Variants in FBXO11 observed in about 807,000 individuals in gnomAD.
FBXO11 encodes the protein F-box protein 11, also known as F-box only protein 11.
A neutral mutation model predicts 117.0 loss-of-function variants in FBXO11; 13 were observed. The ratio of observed to expected loss-of-function variants is 0.11; its 90% confidence interval spans 0.07 to 0.18. The LOEUF (loss-of-function observed/expected upper bound fraction) is 0.18, where lower values mean the gene tolerates loss of function less well. FBXO11 is among the 10% of genes least tolerant of loss of function. The pLI is 1.00. For synonymous variants in FBXO11, 490 were observed against 380.5 expected, an observed-to-expected ratio of 1.29 and a Z score of -3.35; for missense variants, 767 against 1,164.4, an observed-to-expected ratio of 0.66 and a Z score of 4.97.
rs377180246 is a variant in FBXO11 at position 47,832,545 on chromosome 2, A to C, written c.1260+27T>G. 3.7e-6 allele frequency: 6 copies of C among 1,607,506 alleles called. No individual in the cohort carries two copies. In the South Asian group the frequency reaches 4.4e-5, roughly 12 times the overall value. ...AGCTTTTAAACATTTTCTAAAAAGA[A>C]AAAAACCACACAAAATTAAAAAATA... On this transcript the variant is annotated intron_variant, in intron 10 of 22. Coordinates refer to ENST00000403359, the MANE Select transcript of FBXO11 (RefSeq NM_001190274.2).
At chr2:47,874,147 G>T (rs1268555875) in intron 1 of FBXO11, among the ~76,000 whole-genome samples, 1 of 152,282 alleles carries the variant, frequency 6.6e-6, no homozygotes, top group African/African-American at 2.4e-5. Flanking sequence ...CTGGGAGGCG[G>T]AGCTTGCTGT....
At chr2:47,869,437 G>T (rs182207779) in intron 1 of FBXO11, among the ~76,000 whole-genome samples, 24 of 152,226 alleles carry the variant, frequency 1.6e-4, no homozygotes, top group Admixed American at 1.5e-3. Flanking sequence ...ATGAAGGAAA[G>T]GAAAAGTTAT....
At chr2:47,808,881 G>A in intron 21 of FBXO11, 1 of 309,420 alleles carries the variant, frequency 3.2e-6, no homozygotes, top group Non-Finnish European at 5.9e-6. Flanking sequence ...TTGTTTTGTA[G>A]AGACAGGGTC....
intron 1 of FBXO11, among the ~76,000 whole-genome samples, chr2:47,865,054 C>G (rs1046543299): frequency 9.8e-5 from 15 of 152,296 alleles, no homozygotes; most frequent in Non-Finnish European, 2.1e-4. Flanking sequence ...TTTCCTGTTT[C>G]CACAGGAATT....
At chr2:47,811,948 GCCC>G (rs528200425) in intron 18 of FBXO11, among the ~76,000 whole-genome samples, 1 of 132,174 alleles carries the variant, frequency 7.6e-6, no homozygotes, top group African/African-American at 2.9e-5. Context: ...CCCACCCCCT[GCCC>G]CCCCAACCTT....
In FBXO11 at chr2:47,856,516, G is replaced by A. The variant is rs867008960; in HGVS notation, c.233-16747C>T. The stretch of plus-strand genomic sequence containing the variant: ...GTCCTTGAAAAAAAGTTATAGATTA[G>A]ATAGTAGGAAACTTGGAAAAACTTG... On this transcript the variant is annotated intron_variant, in intron 1 of 22. Coordinates refer to ENST00000403359, the MANE Select transcript of FBXO11 (RefSeq NM_001190274.2). Among the ~76,000 whole-genome samples, 6 of 152,180 alleles carry A rather than the reference G, an allele frequency of 3.9e-5. No individual in the cohort carries two copies. In the East Asian group the frequency reaches 1.2e-3, roughly 29 times the overall value.
chr2:47,888,982 A>T (rs1400837241), intron 1 of FBXO11, among the ~76,000 whole-genome samples: 1 of 152,198 alleles, frequency 6.6e-6, no homozygotes, highest in Non-Finnish European at 1.5e-5. Context: ...CAATAATGTA[A>T]ATTAGGTAAT....
At chr2:47,871,317 A>G (rs1314327801) in intron 1 of FBXO11, among the ~76,000 whole-genome samples, 3 of 152,212 alleles carry the variant, frequency 2.0e-5, no homozygotes, top group Admixed American at 6.5e-5. Flanking sequence ...AAGACACTGA[A>G]GCCTCTTGCC....
chr2:47,890,479 CAAG>C (rs1323041758), intron 1 of FBXO11, among the ~76,000 whole-genome samples: 1 of 152,088 alleles, frequency 6.6e-6, no homozygotes, highest in Non-Finnish European at 1.5e-5. Context: ...TATCATCAAT[CAAG>C]TAGTATGAGT....
intron 16 of FBXO11, chr2:47,814,079 G>C (rs1229051768): frequency 1.5e-5 from 7 of 463,774 alleles, no homozygotes; most frequent in African/African-American, 5.9e-5. Flanking sequence ...TATTATTGTA[G>C]AGTTTCCTAA....
chr2:47,869,494 A>C (rs1328614498), intron 1 of FBXO11, among the ~76,000 whole-genome samples: 2 of 152,350 alleles, frequency 1.3e-5, no homozygotes, highest in Non-Finnish European at 1.5e-5. Context: ...TAGCAGTACC[A>C]TGCCCTCTAA....
chr2:47,840,305 G>A (rs1219236075), intron 1 of FBXO11, among the ~76,000 whole-genome samples: 1 of 151,968 alleles, frequency 6.6e-6, no homozygotes, highest in Non-Finnish European at 1.5e-5. Context: ...GAGTGGGAAG[G>A]GAACTGGTAC....
chr2:47,869,158 G>A (rs1572876645), intron 1 of FBXO11, among the ~76,000 whole-genome samples: 1 of 152,156 alleles, frequency 6.6e-6, no homozygotes, highest in African/African-American at 2.4e-5. Context: ...AACAAACGGT[G>A]GAAATAGGAG....
At chr2:47,883,436 C>G (rs1319590716) in intron 1 of FBXO11, 1 of 398,714 alleles carries the variant, frequency 2.5e-6, no homozygotes, top group Non-Finnish European at 5.0e-6. Context: ...TTTCACTCAA[C>G]CTCAGAGCCG....
intron 11 of FBXO11, among the ~76,000 whole-genome samples, chr2:47,828,560 G>C (rs1011257728): frequency 1.3e-5 from 2 of 150,638 alleles, no homozygotes; most frequent in African/African-American, 4.9e-5. Context: ...AGTGAGCCGC[G>C]ATTGCACCAC....
At chr2:47,822,178 A>G in intron 13 of FBXO11, 40 bp downstream of exon 13, 1 of 1,340,632 alleles carries the variant, frequency 7.5e-7, no homozygotes, top group Non-Finnish European at 1.1e-6. Flanking sequence ...AAGAAGACAT[A>G]CAAATCTATA....
chr2:47,842,127 G>A (rs1026443900), intron 1 of FBXO11, among the ~76,000 whole-genome samples: 45 of 149,002 alleles, frequency 3.0e-4, no homozygotes, highest in Admixed American at 3.0e-3. Context: ...GCCATTCTCC[G>A]GCCTCAGCCT....
chr2:47,813,252 T>C lies in FBXO11; in HGVS notation c.2209A>G (p.Ile737Val), dbSNP rs769673227. The C allele has an allele frequency of 6.8e-6, 11 of 1,613,660 alleles. No homozygotes were observed. The highest frequency in any genetic ancestry group is 9.3e-6 in the Non-Finnish European group (11 of 1,179,746). Reference sequence around the variant, plus strand: ...ACAATACCTCGACCCCCATTAAATATACAGATGCCACCATCTCTTCCATCA... The same window carrying C: ...ACAATACCTCGACCCCCATTAAATACACAGATGCCACCATCTCTTCCATCA... ...IHDGRDGGIC[I>V]FNGGRGLLEE... The change falls in exon 18 of 23, where the codon ATA becomes GTA. Residue 737 changes from isoleucine to valine, a missense_variant. Physicochemically the swap from Ile to Val is conservative, Grantham distance 29. This residue lies in a region of FBXO11 where 42 missense variants were observed against 216.8 expected (regional missense o/e 0.19). Transcript: ENST00000403359.
chr2:47,898,145 T>C (rs1375802660), intron 1 of FBXO11, among the ~76,000 whole-genome samples: 1 of 152,242 alleles, frequency 6.6e-6, no homozygotes, highest in African/African-American at 2.4e-5. Context: ...ACACTTGCTT[T>C]AACATGCTAT....
Sources: allele counts gnomAD v4.1 joint callset (sites outside exome capture counted in the v4.1 genomes callset), GRCh38; gene constraint gnomAD v4.1.1; regional missense constraint gnomAD v4.1.1; transcripts MANE v1.5; gene names NCBI Gene and HGNC (gene_info 2026-07-23, HGNC 2026-07-21).